The following CCDC141 variants were observed in gnomAD, a reference collection of about 807,000 sequenced individuals.
The protein encoded by CCDC141 is coiled-coil domain-containing protein 141.
In CCDC141, 168 loss-of-function variants were observed where a neutral mutation model predicts 181.0. That is an observed-to-expected ratio of 0.93 (90% confidence interval 0.82 to 1.05). CCDC141 has a LOEUF of 1.05. CCDC141 is among the 50% of genes least tolerant of loss of function. CCDC141 has a pLI of 0.00. For missense variants in CCDC141, 1,902 were observed against 1,788.5 expected (o/e 1.06, Z -1.14); for synonymous variants, 666 against 642.3 (o/e 1.04, Z -0.56).
chr2:179,041,412 T>G (rs754884684), intron 2 of CCDC141, among the ~76,000 whole-genome samples: 1 of 152,064 alleles, frequency 6.6e-6, no homozygotes, highest in Non-Finnish European at 1.5e-5. Flanking sequence ...TTTTTAATGT[T>G]TGTTGGCTGC....
rs114129666 is a variant in CCDC141, at chr2:178,886,758, T to C, written c.1521A>G (p.Gln507=). The C allele has an allele frequency of 9.1e-6, 13 of 1,434,736 alleles. No individual in the cohort carries two copies. Among genetic ancestry groups the C allele is most frequent in the Non-Finnish European group, 1.2e-5 (13 of 1,070,228 alleles). The allele number at this position is 1,434,736 out of a possible 1,614,324, so 88.9% of individuals were successfully genotyped here. Residue 507 remains glutamine, a synonymous_variant, in exon 10 of 24, where the codon CAA becomes CAG. Transcript: ENST00000443758. The part of the protein sequence containing the change: ...ILNKYLELDI[Q]AKETSHELEA... ...TCATTCTCATTTTATTTACCTTAGC[T>C]TGGATATCTAGTTCCAGATATTTAT...
At chr2:178,979,726 C>T (rs1273886680) in intron 2 of CCDC141, among the ~76,000 whole-genome samples, 1 of 152,098 alleles carries the variant, frequency 6.6e-6, no homozygotes, top group African/African-American at 2.4e-5. Flanking sequence ...TTTAAAATGG[C>T]ATTTATAATG....
chr2:179,013,979 AAAAAAAAAG>A (rs1188928687), intron 2 of CCDC141, among the ~76,000 whole-genome samples: 198 of 150,206 alleles, frequency 1.3e-3, no homozygotes, highest in African/African-American at 4.3e-3. Context: ...AAAAAAAAAA[AAAAAAAAAG>A]GACAAATCTA....
chr2:178,995,252 C>A (rs1692230173), intron 2 of CCDC141, among the ~76,000 whole-genome samples: 1 of 152,158 alleles, frequency 6.6e-6, no homozygotes, highest in African/African-American at 2.4e-5. Context: ...TTCGGAGATG[C>A]CTCGCAATCA....
rs187053949 is a variant in CCDC141 at position 178,878,173 on chromosome 2, C to G, written c.1720-30G>C. On this transcript the variant is annotated intron_variant, in intron 11 of 23. Transcript: ENST00000443758. ...AAAAGAAAAAAGAGAGTTAAGAACA[C>G]TTAAACACATTTTTTTAAAGAAAAA... 1,497 of 1,464,736 alleles carry G rather than the reference C, an allele frequency of 1.0e-3. 15 individuals carry two copies. Among genetic ancestry groups the G allele is most frequent in the Non-Finnish European group, 2.1e-4 (226 of 1,085,572 alleles). 90.7% of individuals were successfully genotyped at this position (1,464,736 alleles called of 1,614,324 possible).
At chr2:178,875,879 T>C (rs1266828926) in intron 12 of CCDC141, 1 of 152,172 alleles carries the variant, frequency 6.6e-6, no homozygotes, top group East Asian at 1.9e-4. Context: ...AGAAGACTGA[T>C]TGAACCACGT....
intron 2 of CCDC141, among the ~76,000 whole-genome samples, chr2:179,040,480 C>T (rs991920512): frequency 6.6e-6 from 1 of 152,120 alleles, no homozygotes; most frequent in Middle Eastern, 3.2e-3. Flanking sequence ...TCCCATCACC[C>T]AAGTATTAAC....
At chr2:178,853,942 T>C (rs925671484) in intron 19 of CCDC141, among the ~76,000 whole-genome samples, 6 of 152,200 alleles carry the variant, frequency 3.9e-5, no homozygotes, top group African/African-American at 1.4e-4. Context: ...GTTGCAGACT[T>C]ATAAGAACAG....
intron 3 of CCDC141, among the ~76,000 whole-genome samples, chr2:178,978,097 T>C (rs1265974107): frequency 6.6e-6 from 1 of 152,190 alleles, no homozygotes; most frequent in Admixed American, 6.5e-5. Context: ...AATTTTATTC[T>C]CCAACTTTTA....
intron 4 of CCDC141, among the ~76,000 whole-genome samples, chr2:178,971,399 A>G (rs1690881025): frequency 6.6e-6 from 1 of 152,214 alleles, no homozygotes; most frequent in Non-Finnish European, 1.5e-5. Context: ...TAGAATGGCA[A>G]TCATCAAAAA....
chr2:179,008,282 A>G (rs1332634508), intron 2 of CCDC141, among the ~76,000 whole-genome samples: 1 of 152,192 alleles, frequency 6.6e-6, no homozygotes, highest in African/African-American at 2.4e-5. Context: ...TTTATCAAAT[A>G]CTTGAGGAGC....
chr2:179,015,084 ATAT>A (rs1559048552), intron 2 of CCDC141, among the ~76,000 whole-genome samples: 7 of 41,600 alleles, frequency 1.7e-4, no homozygotes, highest in African/African-American at 5.2e-4. Flanking sequence ...ATATATATAT[ATAT>A]ATATATATAT....
intron 17 of CCDC141, among the ~76,000 whole-genome samples, chr2:178,862,106 T>C (rs1173578728): frequency 6.6e-6 from 1 of 152,224 alleles, no homozygotes; most frequent in African/African-American, 2.4e-5. Context: ...AATCGACTTG[T>C]ATCCCTGTAA....
chr2:179,046,430 C>G (rs952878370), intron 2 of CCDC141, among the ~76,000 whole-genome samples: 7 of 152,366 alleles, frequency 4.6e-5, no homozygotes, highest in African/African-American at 1.7e-4. Context: ...AGTCGGCTGT[C>G]CTGTCTGCTC....
intron 2 of CCDC141, among the ~76,000 whole-genome samples, chr2:178,997,248 A>G (rs1465190481): frequency 6.6e-6 from 1 of 152,154 alleles, no homozygotes; most frequent in African/African-American, 2.4e-5. Context: ...CTGTTTGCCC[A>G]TGTGCCACAT....
chr2:178,992,650 A>C (rs1692110680), intron 2 of CCDC141, among the ~76,000 whole-genome samples: 1 of 152,192 alleles, frequency 6.6e-6, no homozygotes, highest in Non-Finnish European at 1.5e-5. Context: ...TAGAAGTATT[A>C]AGAACTAATG....
chr2:178,857,229 C>T (rs1685427513), intron 17 of CCDC141, among the ~76,000 whole-genome samples: 8 of 152,134 alleles, frequency 5.3e-5, no homozygotes, highest in Admixed American at 5.2e-4. Context: ...AAAAAGCTAT[C>T]CATGTTGAAG....
At chr2:179,009,455 TCCCTTTTCCTATGTATTCTTC>T (rs1211401878) in intron 2 of CCDC141, among the ~76,000 whole-genome samples, 1 of 152,098 alleles carries the variant, frequency 6.6e-6, no homozygotes, top group Non-Finnish European at 1.5e-5. Flanking sequence ...CATGGGGTGT[TCCCTTTTCCTATGTATTCTTC>T]CCCTTTTCCT....
rs1048247947 is a variant in CCDC141, at chr2:178,830,394, T to G, written c.*3779A>C. On this transcript the variant is annotated 3_prime_UTR_variant, in exon 24 of 24. Coordinates refer to ENST00000443758, the MANE Select transcript of CCDC141 (RefSeq NM_173648.4). ...AGATGAGGTGAGAGATTTTCATGAG[T>G]GCTTCATTGTTAGGGCCTGATTCGG... is the stretch of plus-strand genomic sequence containing the variant. The G allele has an allele frequency of 1.8e-4, 27 of 152,260 alleles. No homozygotes were observed. The highest frequency in any genetic ancestry group is 6.5e-4 in the African/African-American group (27 of 41,544). The allele number at this position is 152,260 out of a possible 1,614,324, so 9.4% of individuals were successfully genotyped here.
Sources: allele counts gnomAD v4.1 joint callset (sites outside exome capture counted in the v4.1 genomes callset), GRCh38; gene constraint gnomAD v4.1.1; transcripts MANE v1.5; gene names NCBI Gene and HGNC (gene_info 2026-07-23, HGNC 2026-07-21).